The following CUBN variants were observed in gnomAD, a reference collection of about 807,000 sequenced individuals.
CUBN encodes the protein cubilin.
A neutral mutation model predicts 405.3 loss-of-function variants in CUBN; 282 were observed. The ratio of observed to expected loss-of-function variants is 0.70; its 90% confidence interval spans 0.63 to 0.77. CUBN has a LOEUF of 0.77. Among genes scored for constraint, CUBN ranks in the 30% least tolerant of loss-of-function variants. The pLI is 0.00. For synonymous variants in CUBN, 1,684 were observed against 1,617.0 expected (o/e 1.04, Z -0.99); for missense variants, 4,514 against 4,475.2 (o/e 1.01, Z -0.25).
intron 60 of CUBN, among the ~76,000 whole-genome samples, chr10:16,842,709 C>A (rs192384738): frequency 6.6e-6 from 1 of 152,354 alleles, no homozygotes; most frequent in East Asian, 1.9e-4. Flanking sequence ...AGGTGATGCT[C>A]CTGCTCTGTC....
At chr10:16,842,193 T>A (rs1174540594) in intron 60 of CUBN, among the ~76,000 whole-genome samples, 2 of 151,974 alleles carry the variant, frequency 1.3e-5, no homozygotes, top group African/African-American at 4.8e-5. Context: ...TACAGGTGCA[T>A]GCCACCATGC....
intron 55 of CUBN, 120 bp downstream of exon 55, chr10:16,890,249 ACT>A: frequency 1.2e-6 from 1 of 864,500 alleles, no homozygotes; most frequent in South Asian, 1.4e-5. Flanking sequence ...GGATTAGGTG[ACT>A]CATCCTCCCC....
chr10:17,083,858 T>A (rs1375341625), intron 17 of CUBN, among the ~76,000 whole-genome samples: 1 of 152,138 alleles, frequency 6.6e-6, no homozygotes, highest in Non-Finnish European at 1.5e-5. Flanking sequence ...GTTTCAAATA[T>A]TCCCTGTATT....
rs201056237 is a variant in CUBN at position 16,954,473 on chromosome 10, C to G, written c.4771G>C (p.Val1591Leu). The G allele has an allele frequency of 3.2e-5, 52 of 1,613,904 alleles. No homozygotes were observed. Among genetic ancestry groups the G allele is most frequent in the Non-Finnish European group, 4.2e-5 (49 of 1,180,024 alleles). Residue 1591 changes from valine to leucine, a missense_variant, in exon 32 of 67, where the codon GTC (valine) becomes CTC (leucine). Val to Leu is a conservative substitution (Grantham distance 32, BLOSUM62 1). Coordinates refer to ENST00000377833, the MANE Select transcript of CUBN (RefSeq NM_001081.4). The stretch of plus-strand genomic sequence containing the variant: ...AAGAAGAGGCTGTTTCCTGAGGAGA[C>G]GATGGGGTTAGCCAGCTGCTCCCTT... ...CGREQLANPIVSSGNSLFLRF... is the reference protein window; with the variant it reads ...CGREQLANPILSSGNSLFLRF...
intron 62 of CUBN, among the ~76,000 whole-genome samples, chr10:16,837,783 T>C (rs1279006385): frequency 6.6e-6 from 1 of 152,146 alleles, no homozygotes; most frequent in African/African-American, 2.4e-5. Flanking sequence ...CCTCCCTACC[T>C]ACCCAGTCCG....
At chr10:16,835,241 A>G in intron 63 of CUBN, 46 bp from the exon 64 acceptor site, 2 of 1,462,658 alleles carry the variant, frequency 1.4e-6, no homozygotes, top group Non-Finnish European at 1.9e-6. Context: ...TCCAATATTT[A>G]GTGCTCTTTC....
chr10:17,085,861 T>A, intron 15 of CUBN, 102 bp from the exon 16 acceptor site: 1 of 1,126,580 alleles, frequency 8.9e-7, no homozygotes, highest in Non-Finnish European at 1.3e-6. Context: ...TTAAAAGTGA[T>A]CGCTCAAGGA....
chr10:17,123,936 C>T (rs995061840), intron 4 of CUBN, among the ~76,000 whole-genome samples: 1 of 152,150 alleles, frequency 6.6e-6, no homozygotes, highest in African/African-American at 2.4e-5. Context: ...GGGATGAAGT[C>T]TGAGGGGAGA....
At chr10:16,843,266 G>A (rs1839411025) in intron 60 of CUBN, among the ~76,000 whole-genome samples, 2 of 152,134 alleles carry the variant, frequency 1.3e-5, no homozygotes, top group Admixed American at 1.3e-4. Context: ...TTTCTTCTGA[G>A]TAATCTCCAT....
intron 22 of CUBN, among the ~76,000 whole-genome samples, chr10:17,060,152 G>A (rs750083348): frequency 6.1e-5 from 9 of 148,598 alleles, no homozygotes; most frequent in Admixed American, 2.7e-4. Context: ...ATGGAGTTTC[G>A]CTCTTGTTGC....
intron 59 of CUBN, among the ~76,000 whole-genome samples, chr10:16,863,676 A>G (rs544873364): frequency 7.2e-5 from 11 of 152,272 alleles, no homozygotes; most frequent in Non-Finnish European, 1.5e-4. Context: ...AAAAATAACT[A>G]GAAGCAGAAG....
chr10:17,083,516 A>AATACATACATAC (rs146497391), intron 17 of CUBN, among the ~76,000 whole-genome samples: 2,285 of 142,708 alleles, frequency 0.016, 58 homozygotes, highest in African/African-American at 0.057. Context: ...AAAATAAATA[A>AATACATACATAC]ATACATACAT....
At chr10:17,058,115 G>A (rs112725236) in intron 22 of CUBN, among the ~76,000 whole-genome samples, 109 of 151,556 alleles carry the variant, frequency 7.2e-4, no homozygotes, top group African/African-American at 1.5e-3. Flanking sequence ...GAGAGACTCC[G>A]TCTCAAAAAA....
chr10:16,831,246 T>TC lies in CUBN; in HGVS notation c.10528+5dup. 1 of 1,613,894 alleles carries TC rather than the reference T, an allele frequency of 6.2e-7. No homozygotes were observed. The highest frequency in any genetic ancestry group is 8.5e-7 in the Non-Finnish European group (1 of 1,179,738). ...TGCTTTCCTGTACAAAGTGCAAATGTCTTACCAGAGGGTGATGAAGTCCAG... is the reference window on the plus strand; with the variant it reads ...TGCTTTCCTGTACAAAGTGCAAATGTCCTTACCAGAGGGTGATGAAGTCCAG... On this transcript the variant is annotated splice_donor_region_variant and intron_variant, in intron 65 of 66. Transcript: ENST00000377833.
At chr10:16,979,043 C>A (rs1325449469) in intron 31 of CUBN, among the ~76,000 whole-genome samples, 1 of 152,124 alleles carries the variant, frequency 6.6e-6, no homozygotes, top group African/African-American at 2.4e-5. Context: ...TCCTATACAC[C>A]AGTAATAGCC....
chr10:16,850,078 T>C (rs1839640602), intron 60 of CUBN, among the ~76,000 whole-genome samples: 1 of 152,248 alleles, frequency 6.6e-6, no homozygotes, highest in Non-Finnish European at 1.5e-5. Flanking sequence ...AATGTTCACC[T>C]TGCCTGAATT....
At chr10:17,079,120 C>T (rs1176548039) in intron 17 of CUBN, among the ~76,000 whole-genome samples, 2 of 152,064 alleles carry the variant, frequency 1.3e-5, no homozygotes, top group Admixed American at 6.6e-5. Context: ...AAAAGCATCA[C>T]GATGGTCCAG....
intron 27 of CUBN, among the ~76,000 whole-genome samples, chr10:17,026,582 C>T (rs1243713275): frequency 1.3e-5 from 2 of 151,200 alleles, no homozygotes; most frequent in Non-Finnish European, 2.9e-5. Flanking sequence ...TGCAGTGAGC[C>T]GAGATCGCAC....
chr10:16,918,636 G>A lies in CUBN; in HGVS notation c.6986C>T (p.Ala2329Val), dbSNP rs766348808. Residue 2329 changes from alanine (A) to valine (V), a missense_variant, in exon 45 of 67, where the codon GCC becomes GTC. Physicochemically the swap from Ala to Val is moderately conservative, Grantham distance 64. This residue lies in a region of CUBN where 1,613 missense variants were observed against 1,542.8 expected (regional missense o/e 1.05). Coordinates refer to ENST00000377833, the MANE Select transcript of CUBN (RefSeq NM_001081.4). ...DNSPTHVGFKAKYSIAQCGGR... is the reference protein window; with the variant it reads ...DNSPTHVGFKVKYSIAQCGGR... ...AAAATTATTACCTATAGAATACTTGGCCTTGAATCCCACATGTGTGGGGCT... is the reference window on the plus strand; with the variant it reads ...AAAATTATTACCTATAGAATACTTGACCTTGAATCCCACATGTGTGGGGCT... The A allele has an allele frequency of 6.2e-7, 1 of 1,613,410 alleles. No homozygotes were observed. The highest frequency in any genetic ancestry group is 2.2e-5 in the East Asian group (1 of 44,862).
Sources: allele counts gnomAD v4.1 joint callset (sites outside exome capture counted in the v4.1 genomes callset), GRCh38; gene constraint gnomAD v4.1.1; regional missense constraint gnomAD v4.1.1; transcripts MANE v1.5; gene names NCBI Gene and HGNC (gene_info 2026-07-23, HGNC 2026-07-21).